The following CNKSR3 variants were observed in gnomAD, a reference collection of about 807,000 sequenced individuals.
The protein encoded by CNKSR3 is CNKSR family member 3, also known as connector enhancer of kinase suppressor of ras 3.
Under a neutral mutation model 67.7 loss-of-function variants are expected in CNKSR3, and 36 were observed. The observed-to-expected ratio is 0.53, with a 90% CI of 0.41 to 0.70. The LOEUF is 0.70. CNKSR3 is among the 30% of genes least tolerant of loss of function. The pLI is 0.00. For missense variants in CNKSR3, 630 were observed against 695.2 expected (o/e 0.91, Z 1.05); for synonymous variants, 281 against 271.4 (o/e 1.04, Z -0.35).
chr6:154,407,041 A>T (rs1462149949), intron 12 of CNKSR3, among the ~76,000 whole-genome samples: 1 of 151,888 alleles, frequency 6.6e-6, no homozygotes, highest in East Asian at 1.9e-4. Context: ...ACCACCCTGA[A>T]TGTGGGCACC....
intron 1 of CNKSR3, among the ~76,000 whole-genome samples, chr6:154,481,456 C>T (rs956865236): frequency 3.9e-5 from 6 of 152,210 alleles, no homozygotes; most frequent in African/African-American, 1.2e-4. Flanking sequence ...TATTTGATAG[C>T]AGTCAGCTCT....
In CNKSR3 at chr6:154,402,453, A is replaced by G. The variant is rs1349718683; in HGVS notation, c.*3901T>C. On this transcript the variant is annotated 3_prime_UTR_variant, in exon 13 of 13. Coordinates refer to ENST00000607772, the MANE Select transcript of CNKSR3 (RefSeq NM_173515.4). ...TTCAAGAATGCAATGAGAGAATTCTATAAATGGAAGGAAGCCTATATACTG... is the reference window on the plus strand; with the variant it reads ...TTCAAGAATGCAATGAGAGAATTCTGTAAATGGAAGGAAGCCTATATACTG... 6.6e-6 allele frequency: 1 copy of G among 152,258 alleles called. No individual in the cohort carries two copies. The highest frequency in any genetic ancestry group is 2.4e-5 in the African/African-American group (1 of 41,472). The allele number at this position is 152,258 out of a possible 1,614,324, so 9.4% of individuals were successfully genotyped here. A position where few individuals can be genotyped will look rare whatever the true frequency, so the allele number is the denominator to read the frequency against.
At chr6:154,422,097 A>G (rs1310604558) in intron 9 of CNKSR3, among the ~76,000 whole-genome samples, 1 of 149,068 alleles carries the variant, frequency 6.7e-6, no homozygotes, top group Non-Finnish European at 1.5e-5. Context: ...GGTTCACACC[A>G]TTCTCCTGCC....
chr6:154,421,802 G>A (rs943541149), intron 9 of CNKSR3, among the ~76,000 whole-genome samples: 3 of 152,080 alleles, frequency 2.0e-5, no homozygotes, highest in African/African-American at 7.2e-5. Flanking sequence ...TGTTCAAACT[G>A]TATACAGTTA....
At chr6:154,429,339 C>T (rs530630540) in intron 6 of CNKSR3, among the ~76,000 whole-genome samples, 3 of 152,330 alleles carry the variant, frequency 2.0e-5, no homozygotes, top group African/African-American at 7.2e-5. Flanking sequence ...TTCAGGTTCT[C>T]CTGATTCCTC....
chr6:154,502,423 C>T (rs992959957), intron 1 of CNKSR3, among the ~76,000 whole-genome samples: 8 of 151,864 alleles, frequency 5.3e-5, no homozygotes, highest in African/African-American at 1.9e-4. Flanking sequence ...TCTCAAACTC[C>T]TGACCTCAGG....
chr6:154,443,237 C>T (rs138210625), intron 2 of CNKSR3, among the ~76,000 whole-genome samples: 181 of 152,180 alleles, frequency 1.2e-3, no homozygotes, highest in African/African-American at 4.2e-3. Context: ...GCCCAAATGT[C>T]CCCTCCCCTG....
intron 1 of CNKSR3, among the ~76,000 whole-genome samples, chr6:154,482,032 C>A (rs532362337): frequency 1.3e-5 from 2 of 152,314 alleles, no homozygotes; most frequent in South Asian, 4.2e-4. Context: ...AGAGTTCCCC[C>A]TTATTAATTC....
chr6:154,507,659 C>T (rs1787127725), intron 1 of CNKSR3, among the ~76,000 whole-genome samples: 1 of 152,126 alleles, frequency 6.6e-6, no homozygotes, highest in South Asian at 2.1e-4. Context: ...GTATCCAGGT[C>T]TTTCTACTAA....
intron 3 of CNKSR3, 142 bp downstream of exon 3, chr6:154,441,946 C>T: frequency 2.9e-6 from 2 of 683,042 alleles, no homozygotes; most frequent in Non-Finnish European, 4.6e-6. Flanking sequence ...TAAAATCTAC[C>T]ACTGATCGAG....
rs374209296 is a variant in CNKSR3 at position 154,480,637 on chromosome 6, G to A, written c.52+29426C>T. ...AGCCTTTATTAACCATCATGTGAGCGTGTCCCTGGTTGCCCACTATCAAAG... is the reference window on the plus strand; with the variant it reads ...AGCCTTTATTAACCATCATGTGAGCATGTCCCTGGTTGCCCACTATCAAAG... On this transcript the variant is annotated intron_variant, in intron 1 of 12. Transcript: ENST00000607772. Among the ~76,000 whole-genome samples the A allele has an allele frequency of 1.8e-4, 27 of 152,134 alleles. 1 individual carries two copies. Among genetic ancestry groups the A allele is most frequent in the Admixed American group, 7.9e-4 (12 of 15,272 alleles).
At chr6:154,452,319 T>A (rs1476103917) in intron 1 of CNKSR3, among the ~76,000 whole-genome samples, 1 of 152,198 alleles carries the variant, frequency 6.6e-6, no homozygotes, top group African/African-American at 2.4e-5. Flanking sequence ...AAAATTCTTC[T>A]CCAACAACTT....
At chr6:154,421,987 CTTTTTT>C (rs34269095) in intron 9 of CNKSR3, among the ~76,000 whole-genome samples, 1 of 127,338 alleles carries the variant, frequency 7.9e-6, no homozygotes, top group African/African-American at 3.0e-5. Flanking sequence ...TCATTTCATT[CTTTTTT>C]TTTTTTTTTT....
chr6:154,467,169 G>A (rs55967715), intron 1 of CNKSR3, among the ~76,000 whole-genome samples: 24,603 of 151,680 alleles, frequency 0.16, 2,440 homozygotes, highest in African/African-American at 0.28. Context: ...TGGAACCACC[G>A]ACCGCATCCT....
rs192041667 is a variant in CNKSR3 at position 154,412,588 on chromosome 6, T to G, written c.1071-1446A>C. ...GACTACCTGTAACTTTAAACACACT[T>G]AAGATCCTGCAAACCAGAATGCCCC... On this transcript the variant is annotated intron_variant, in intron 10 of 12. Transcript: ENST00000607772. Among the ~76,000 whole-genome samples, 78 of 152,296 alleles carry G rather than the reference T, an allele frequency of 5.1e-4. 2 individuals carry two copies. The East Asian group carries it at 0.013, about 26-fold the overall frequency.
At chr6:154,471,999 C>G (rs1786339993) in intron 1 of CNKSR3, among the ~76,000 whole-genome samples, 1 of 152,216 alleles carries the variant, frequency 6.6e-6, no homozygotes, top group African/African-American at 2.4e-5. Context: ...TCTCTAGCTG[C>G]AAGCACCTGG....
chr6:154,448,576 C>T (rs1785758241), intron 2 of CNKSR3, among the ~76,000 whole-genome samples: 1 of 152,030 alleles, frequency 6.6e-6, no homozygotes. Flanking sequence ...ATCACCATTT[C>T]CCCAGAGGTC....
Position 154,402,465 on chromosome 6 carries a change from A to T in CNKSR3, c.*3889T>A, listed in dbSNP as rs1046803495. 2 of 152,260 alleles carry T rather than the reference A, an allele frequency of 1.3e-5. No homozygotes were observed. The highest frequency in any genetic ancestry group is 4.8e-5 in the African/African-American group (2 of 41,476). The allele number at this position is 152,260 out of a possible 1,614,324, so 9.4% of individuals were successfully genotyped here. ...ATGAGAGAATTCTATAAATGGAAGG[A>T]AGCCTATATACTGAGTGATTATGAG... On this transcript the variant is annotated 3_prime_UTR_variant, in exon 13 of 13. Transcript: ENST00000607772.
chr6:154,424,997 C>T (rs1372083120), intron 7 of CNKSR3, among the ~76,000 whole-genome samples: 1 of 152,228 alleles, frequency 6.6e-6, no homozygotes, highest in African/African-American at 2.4e-5. Context: ...ATCTTGAACT[C>T]TTTACCTCAG....
Sources: allele counts gnomAD v4.1 joint callset (sites outside exome capture counted in the v4.1 genomes callset), GRCh38; gene constraint gnomAD v4.1.1; transcripts MANE v1.5; gene names NCBI Gene and HGNC (gene_info 2026-07-23, HGNC 2026-07-21).